The following KMT2E variants were observed in gnomAD, a reference collection of about 807,000 sequenced individuals.
The protein encoded by KMT2E is lysine methyltransferase 2E (inactive).
Under a neutral mutation model 184.6 loss-of-function variants are expected in KMT2E, and 30 were observed. That is an observed-to-expected ratio of 0.16 (90% CI 0.12 to 0.22). The LOEUF is 0.22. KMT2E is among the 10% of genes least tolerant of loss of function. KMT2E has a pLI of 1.00. For missense variants in KMT2E, 2,023 were observed against 2,237.4 expected (o/e 0.90, Z 1.93); for synonymous variants, 815 against 776.5 (o/e 1.05, Z -0.82).
intron 8 of KMT2E, among the ~76,000 whole-genome samples, chr7:105,075,312 CT>C (rs1345936694): frequency 1.3e-5 from 2 of 151,670 alleles, no homozygotes; most frequent in Non-Finnish European, 2.9e-5. Flanking sequence ...GGAGTTCACA[CT>C]TTTTAGGGGG....
intron 15 of KMT2E, among the ~76,000 whole-genome samples, chr7:105,099,152 A>C (rs1396716494): frequency 1.3e-5 from 2 of 152,240 alleles, no homozygotes; most frequent in African/African-American, 4.8e-5. Flanking sequence ...TTATGTTCCA[A>C]AATATTTGTG....
At position 105,113,057 on chromosome 7, in the gene KMT2E, T is replaced by C. The variant is rs1229067251; in HGVS notation, c.5301T>C (p.His1767=). ...CACCGTATCCCTCACAAGCTACACA[T>C]CATACCACTTTGGGACCGGGACCCC... The part of the protein sequence containing the change: ...TVPPYPSQAT[H]HTTLGPGPQH... The change falls in exon 27 of 27, where the codon CAT becomes CAC. Residue 1767 remains histidine (H), a synonymous_variant. Transcript: ENST00000311117. The C allele has an allele frequency of 2.2e-5, 35 of 1,613,932 alleles. No individual in the cohort carries two copies. Among genetic ancestry groups the C allele is most frequent in the Non-Finnish European group, 2.9e-5 (34 of 1,180,016 alleles).
intron 3 of KMT2E, among the ~76,000 whole-genome samples, chr7:105,053,344 A>G (rs1211186861): frequency 2.0e-5 from 3 of 152,188 alleles, no homozygotes; most frequent in Non-Finnish European, 4.4e-5. Flanking sequence ...ATTATTCAGT[A>G]TAAAGAATTT....
chr7:105,067,028 G>A (rs1358272565), intron 6 of KMT2E, among the ~76,000 whole-genome samples: 1 of 135,818 alleles, frequency 7.4e-6, no homozygotes, highest in Non-Finnish European at 1.5e-5. Context: ...CTGCACTCCA[G>A]CCTGGGTGAC....
chr7:105,086,500 G>A lies in KMT2E; in HGVS notation c.1359-3509G>A, dbSNP rs181197052. On this transcript the variant is annotated intron_variant, in intron 13 of 26. Coordinates refer to ENST00000311117, the MANE Select transcript of KMT2E (RefSeq NM_182931.3). Reference sequence around the variant, plus strand: ...AGCACTGTGGGAGGCCATGGTGGGCGGATCACTTGAGGTCAGGAGATCGAG... The same window carrying A: ...AGCACTGTGGGAGGCCATGGTGGGCAGATCACTTGAGGTCAGGAGATCGAG... 2.2e-3 allele frequency among the ~76,000 whole-genome samples: 340 copies of A among 152,090 alleles called. 6 individuals carry two copies. Among genetic ancestry groups the A allele is most frequent in the Admixed American group, 0.014 (214 of 15,272 alleles).
intron 1 of KMT2E, among the ~76,000 whole-genome samples, chr7:105,029,627 GTGGC>G (rs759240274): frequency 6.6e-6 from 1 of 152,128 alleles, no homozygotes; most frequent in South Asian, 2.1e-4. Context: ...AAAAGATTGG[GTGGC>G]TGGATATAAT....
At position 105,064,164 on chromosome 7, in the gene KMT2E, G is replaced by GTTTTTTTTTTTTT. The variant is rs66946883; in HGVS notation, c.416+600_416+612dup. On this transcript the variant is annotated intron_variant, in intron 5 of 26. Transcript: ENST00000311117. ...GGTTTTGTATCATTTTTTTTTCTTG[G>GTTTTTTTTTTTTT]TTTTTTTTTTTTTTTTTTTTTTTTT... The GTTTTTTTTTTTTT allele has an allele frequency of 1.5e-4, 11 of 74,152 alleles. 1 individual carries two copies. Among genetic ancestry groups the GTTTTTTTTTTTTT allele is most frequent in the Non-Finnish European group, 2.7e-4 (11 of 41,480 alleles). The allele number at this position is 74,152 out of a possible 1,614,324, so 4.6% of individuals were successfully genotyped here.
chr7:105,112,952 T>C lies in KMT2E; in HGVS notation c.5196T>C (p.His1732=). Residue 1732 remains histidine (H), a synonymous_variant, in exon 27 of 27, where the codon CAT becomes CAC. Coordinates refer to ENST00000311117, the MANE Select transcript of KMT2E (RefSeq NM_182931.3). ...CCAGTGTTTTGGCTTCTGGGCATCA[T>C]ACCACATCAGCTCAAGCCTTACACC... ...PPSSVLASGH[H]TTSAQALHHP... is the part of the protein sequence containing the mutation. 6.8e-6 allele frequency: 11 copies of C among 1,613,794 alleles called. No individual in the cohort carries two copies. The highest frequency in any genetic ancestry group is 9.3e-6 in the Non-Finnish European group (11 of 1,179,940).
chr7:105,081,597 A>G (rs1797766709), intron 12 of KMT2E, 91 bp from the exon 13 acceptor site: 3 of 720,604 alleles, frequency 4.2e-6, no homozygotes, highest in Non-Finnish European at 7.3e-6. Context: ...TTTGTGAAAT[A>G]ATTTGAAAAG....
Position 105,090,183 on chromosome 7 carries a change from G to C in KMT2E, c.1533G>C (p.Leu511Phe). The part of the protein sequence containing the change: ...EKDTQNQNIT[L>F]DCEGTTNKMK... Reference sequence around the variant, plus strand: ...ATACACAAAATCAGAATATTACTTTGGATTGTGAAGGAACGACCAACAAAA... The same window carrying C: ...ATACACAAAATCAGAATATTACTTTCGATTGTGAAGGAACGACCAACAAAA... Residue 511 changes from leucine to phenylalanine, a missense_variant, in exon 14 of 27, where the codon TTG becomes TTC. Leu to Phe is a conservative substitution (Grantham distance 22, BLOSUM62 0). Transcript: ENST00000311117. 1 of 1,612,140 alleles carries C rather than the reference G, an allele frequency of 6.2e-7. No homozygotes were observed. Among genetic ancestry groups the C allele is most frequent in the Non-Finnish European group, 8.5e-7 (1 of 1,179,558 alleles).
At chr7:105,046,774 T>C (rs1796124789) in intron 3 of KMT2E, among the ~76,000 whole-genome samples, 1 of 152,226 alleles carries the variant, frequency 6.6e-6, no homozygotes, top group Admixed American at 6.5e-5. Context: ...CATCAAAATT[T>C]ACCTTGCCAT....
intron 2 of KMT2E, 42 bp from the exon 3 acceptor site, chr7:105,040,797 T>C (rs575188795): frequency 8.5e-6 from 4 of 471,352 alleles, no homozygotes; most frequent in Admixed American, 3.5e-5. Flanking sequence ...CTTACTGTTA[T>C]AGTGTGACTG....
rs756242064 is a variant in KMT2E at position 105,043,239 on chromosome 7, C to CTTT, written c.71+2229_71+2231dup. ...CTAACTTACTTAAATTTCTTTTTTT[C>CTTT]TTTTTTTTTTTTTTTGAGACGGAGT... is the stretch of plus-strand genomic sequence containing the variant. On this transcript the variant is annotated intron_variant, in intron 3 of 26. Coordinates refer to ENST00000311117, the MANE Select transcript of KMT2E (RefSeq NM_182931.3). 5.0e-5 allele frequency among the ~76,000 whole-genome samples: 7 copies of CTTT among 140,258 alleles called. No individual in the cohort carries two copies. In the East Asian group the frequency reaches 8.2e-4, roughly 17 times the overall value. 92.0% of individuals were successfully genotyped at this position (140,258 alleles called of 152,430 possible). A position where few individuals can be genotyped will look rare whatever the true frequency, so the allele number is the denominator to read the frequency against.
intron 1 of KMT2E, among the ~76,000 whole-genome samples, chr7:105,020,326 C>T (rs1479097548): frequency 6.6e-6 from 1 of 152,042 alleles, no homozygotes; most frequent in East Asian, 1.9e-4. Context: ...CATGGTGGCT[C>T]ACGCTTGTAA....
intron 1 of KMT2E, among the ~76,000 whole-genome samples, chr7:105,027,671 C>T (rs140990683): frequency 7.9e-4 from 120 of 152,132 alleles, no homozygotes; most frequent in Middle Eastern, 6.8e-3. Context: ...TTCCCATTTC[C>T]GGGTTTTTGT....
intron 3 of KMT2E, among the ~76,000 whole-genome samples, chr7:105,048,196 T>G (rs1425918018): frequency 2.6e-5 from 4 of 152,084 alleles, no homozygotes; most frequent in Non-Finnish European, 4.4e-5. Flanking sequence ...ACCACCACAC[T>G]TGGCTAATTT....
intron 6 of KMT2E, among the ~76,000 whole-genome samples, chr7:105,071,592 A>ATG (rs1562906408): frequency 9.2e-5 from 5 of 54,310 alleles, no homozygotes; most frequent in African/African-American, 2.7e-4. Context: ...GTATATATAT[A>ATG]TATATATATA....
In KMT2E at chr7:105,106,707, AAACCCATAT is replaced by A. The variant is rs1463969916; in HGVS notation, c.2784_2792del (p.Lys928_Tyr931delinsAsn). On this transcript the variant is annotated inframe_deletion, in exon 20 of 27. Transcript: ENST00000311117. ...TGATGAAACTTGTAGAAATGGTTAT[AAACCCATAT>A]ATTCACCAGTTACCCCAGTAACTCC... The A allele has an allele frequency of 6.2e-7, 1 of 1,613,596 alleles. No individual in the cohort carries two copies. The highest frequency in any genetic ancestry group is 2.2e-5 in the East Asian group (1 of 44,882).
intron 1 of KMT2E, among the ~76,000 whole-genome samples, chr7:105,027,537 G>C (rs910394197): frequency 6.6e-6 from 1 of 152,118 alleles, no homozygotes. Flanking sequence ...ATGTGTGTTT[G>C]CATACTGAGT....
Sources: allele counts gnomAD v4.1 joint callset (sites outside exome capture counted in the v4.1 genomes callset), GRCh38; gene constraint gnomAD v4.1.1; transcripts MANE v1.5; gene names NCBI Gene and HGNC (gene_info 2026-07-23, HGNC 2026-07-21).